CCDC171: variants seen among roughly 807,000 people sequenced by gnomAD.
The protein encoded by CCDC171 is coiled-coil domain containing 171.
A neutral mutation model predicts 168.2 loss-of-function variants in CCDC171; 177 were observed. The observed-to-expected ratio is 1.05, with a 90% CI of 0.93 to 1.19. The LOEUF is 1.19. Ranked by LOEUF, CCDC171 falls within the 50% of genes most tolerant of loss-of-function variation. The pLI is 0.00. For synonymous variants in CCDC171, 687 were observed against 540.8 expected, an observed-to-expected ratio of 1.27 and a Z score of -3.75; for missense variants, 1,991 against 1,539.0, an observed-to-expected ratio of 1.29 and a Z score of -4.91.
At chr9:15,633,928 C>A (rs201425699) in intron 7 of CCDC171, among the ~76,000 whole-genome samples, 1 of 151,146 alleles carries the variant, frequency 6.6e-6, no homozygotes, top group Non-Finnish European at 1.5e-5. Flanking sequence ...GCAAGAACAA[C>A]AAACGAAACA....
At chr9:15,755,243 C>T (rs993040116) in intron 18 of CCDC171, among the ~76,000 whole-genome samples, 1 of 152,074 alleles carries the variant, frequency 6.6e-6, no homozygotes, top group African/African-American at 2.4e-5. Context: ...AAGCTGGCTA[C>T]TCTACTTTCA....
chr9:15,993,829 G>A (rs200549027), intron 3 of CCDC171, among the ~76,000 whole-genome samples: 8 of 152,014 alleles, frequency 5.3e-5, no homozygotes, highest in South Asian at 4.1e-4. Context: ...GCCAACAGAC[G>A]CATGAAAAAA....
At chr9:15,765,219 C>T (rs2056657956) in intron 18 of CCDC171, among the ~76,000 whole-genome samples, 1 of 152,082 alleles carries the variant, frequency 6.6e-6, no homozygotes, top group African/African-American at 2.4e-5. Context: ...AAAGTGAGTT[C>T]TGTTAAAGAC....
In CCDC171 at chr9:16,008,845, G is replaced by A. The variant is rs1048147002; in HGVS notation, n.369-11744G>A. 5.3e-5 allele frequency among the ~76,000 whole-genome samples: 8 copies of A among 152,096 alleles called. No individual in the cohort carries two copies. The East Asian group carries it at 7.7e-4, about 15-fold the overall frequency. On this transcript the variant is annotated intron_variant and non_coding_transcript_variant, in intron 3 of 9. Coordinates refer to the CCDC171 transcript ENST00000486641. Reference sequence around the variant, plus strand: ...ATTATCGCTGCCCTGGGTTCCACTCGCTATGCCCATCTATAAAACATCACC... The same window carrying A: ...ATTATCGCTGCCCTGGGTTCCACTCACTATGCCCATCTATAAAACATCACC...
chr9:15,570,571 C>T (rs2040145284), intron 2 of CCDC171, among the ~76,000 whole-genome samples: 1 of 152,104 alleles, frequency 6.6e-6, no homozygotes, highest in Admixed American at 6.5e-5. Context: ...ACTGGAAGCT[C>T]AGTGTGTGAG....
intron 21 of CCDC171, among the ~76,000 whole-genome samples, chr9:15,824,638 G>C (rs551548298): frequency 1.9e-4 from 29 of 152,188 alleles, no homozygotes; most frequent in Admixed American, 5.2e-4. Flanking sequence ...TATTAAAATA[G>C]ATGAACAGAA....
At chr9:15,835,410 T>G (rs1286815328) in intron 21 of CCDC171, among the ~76,000 whole-genome samples, 1 of 152,212 alleles carries the variant, frequency 6.6e-6, no homozygotes, top group East Asian at 1.9e-4. Flanking sequence ...AAAGTTGAGC[T>G]TATGAAGATT....
intron 16 of CCDC171, among the ~76,000 whole-genome samples, chr9:15,733,929 A>C (rs185034329): frequency 6.6e-6 from 1 of 152,044 alleles, no homozygotes; most frequent in Non-Finnish European, 1.5e-5. Context: ...TACCATGCCT[A>C]ACTAATTTTA....
intron 21 of CCDC171, among the ~76,000 whole-genome samples, chr9:15,821,749 C>T (rs1312553292): frequency 8.6e-6 from 1 of 116,646 alleles, no homozygotes; most frequent in East Asian, 2.2e-4. Context: ...GTGAAAATGG[C>T]CATACTGCCC....
the CCDC171 span, among the ~76,000 whole-genome samples, chr9:16,097,102 G>A: frequency 4.4e-3 from 671 of 152,310 alleles, 6 homozygotes; most frequent in African/African-American, 0.015. Flanking sequence ...AACACCCACT[G>A]AGCGAATAGG....
At position 15,670,364 on chromosome 9, in the gene CCDC171, A is replaced by C. The variant is rs555819168; in HGVS notation, c.1076+4041A>C. ...TTTAACTAAAATCTTGATTTTATCA[A>C]ATTAATACATGTACACAGTCTAATG... On this transcript the variant is annotated intron_variant, in intron 9 of 25. Coordinates refer to ENST00000380701, the MANE Select transcript of CCDC171 (RefSeq NM_173550.4). Among the ~76,000 whole-genome samples the C allele has an allele frequency of 4.6e-5, 7 of 152,292 alleles. No individual in the cohort carries two copies. The East Asian group carries it at 1.3e-3, about 29-fold the overall frequency.
chr9:16,013,134 C>G (rs528199635), intron 3 of CCDC171, among the ~76,000 whole-genome samples: 2 of 152,326 alleles, frequency 1.3e-5, no homozygotes, highest in African/African-American at 4.8e-5. Context: ...CATCTGATAG[C>G]TATACTGTCT....
chr9:16,085,748 A>G, the CCDC171 span, among the ~76,000 whole-genome samples: 1 of 152,170 alleles, frequency 6.6e-6, no homozygotes, highest in Non-Finnish European at 1.5e-5. Flanking sequence ...ACATTTTTTC[A>G]TTCTTCACTG....
intron 1 of CCDC171, among the ~76,000 whole-genome samples, chr9:16,059,878 C>G (rs935008728): frequency 3.3e-5 from 5 of 152,014 alleles, no homozygotes; most frequent in Admixed American, 1.3e-4. Context: ...CAGTATTACC[C>G]AAGCTCACCC....
At chr9:15,636,088 T>G (rs1038674490) in intron 7 of CCDC171, among the ~76,000 whole-genome samples, 4 of 152,188 alleles carry the variant, frequency 2.6e-5, no homozygotes, top group Non-Finnish European at 5.9e-5. Flanking sequence ...ATGTATCTTC[T>G]TTGGAGAAAT....
intron 1 of CCDC171, among the ~76,000 whole-genome samples, chr9:15,556,409 C>A (rs2038801859): frequency 6.6e-6 from 1 of 152,134 alleles, no homozygotes; most frequent in South Asian, 2.1e-4. Context: ...CTGTTGTTTC[C>A]TGACTTTTTA....
chr9:15,840,069 C>T (rs926825668), intron 21 of CCDC171, among the ~76,000 whole-genome samples: 1 of 151,808 alleles, frequency 6.6e-6, no homozygotes, highest in Non-Finnish European at 1.5e-5. Context: ...AAATAATGGC[C>T]ATTTAAATTC....
intron 7 of CCDC171, 62 bp downstream of exon 7, chr9:15,623,475 G>GCGCGCGCACGCACGCGCGCACACACA: frequency 3.2e-6 from 1 of 311,464 alleles, no homozygotes; most frequent in Non-Finnish European, 5.9e-6. Context: ...GCGCGCGCGC[G>GCGCGCGCACGCACGCGCGCACACACA]CACACACACA....
intron 9 of CCDC171, among the ~76,000 whole-genome samples, chr9:15,672,132 G>A (rs1280975849): frequency 6.6e-6 from 1 of 152,124 alleles, no homozygotes; most frequent in Non-Finnish European, 1.5e-5. Flanking sequence ...ATGTCTGTTG[G>A]CTGCATAAAT....
Sources: allele counts gnomAD v4.1 joint callset (sites outside exome capture counted in the v4.1 genomes callset), GRCh38; gene constraint gnomAD v4.1.1; transcripts MANE v1.5; gene names NCBI Gene and HGNC (gene_info 2026-07-23, HGNC 2026-07-21).